IDH2: variants seen among roughly 807,000 people sequenced by gnomAD.
IDH2 encodes isocitrate dehydrogenase [NADP], mitochondrial.
A neutral mutation model predicts 50.5 loss-of-function variants in IDH2; 18 were observed. The observed-to-expected ratio is 0.36, with a 90% CI of 0.25 to 0.53. The LOEUF (loss-of-function observed/expected upper bound fraction) is 0.53. Ranked by LOEUF, IDH2 falls within the 20% of genes least tolerant of loss-of-function variation. The pLI is 0.92. For synonymous variants in IDH2, 280 were observed against 239.8 expected (o/e 1.17, Z -1.55); for missense variants, 518 against 610.7 (o/e 0.85, Z 1.60).
Position 90,083,922 on chromosome 15 carries a change from G to A in IDH2, c.*344C>T. On this transcript the variant is annotated 3_prime_UTR_variant, in exon 11 of 11. Transcript: ENST00000330062. ...AGGGGAACCTGCCAGCTCTAGCAGGGCCTCTGCCTCAGGGTCCCACTACCT... is the reference window on the plus strand; with the variant it reads ...AGGGGAACCTGCCAGCTCTAGCAGGACCTCTGCCTCAGGGTCCCACTACCT... The A allele has an allele frequency of 4.7e-6, 2 of 425,384 alleles. No homozygotes were observed. The highest frequency in any genetic ancestry group is 8.8e-6 in the Non-Finnish European group (2 of 227,224). 26.4% of individuals were successfully genotyped at this position (425,384 alleles called of 1,614,324 possible).
chr15:90,096,780 G>A (rs1901193103), intron 1 of IDH2, among the ~76,000 whole-genome samples: 1 of 152,118 alleles, frequency 6.6e-6, no homozygotes, highest in Non-Finnish European at 1.5e-5. Flanking sequence ...CAGGCGTGGT[G>A]GCAGGCGCCT....
At position 90,091,620 on chromosome 15, in the gene IDH2, G is replaced by A. The variant is rs201173543; in HGVS notation, c.140C>T (p.Ala47Val). The A allele has an allele frequency of 5.0e-5, 80 of 1,613,994 alleles. No individual in the cohort carries two copies. Among genetic ancestry groups the A allele is most frequent in the Admixed American group, 4.2e-4 (25 of 60,008 alleles). Residue 47 changes from alanine to valine, a missense_variant, in exon 2 of 11, where the codon GCG becomes GTG. This residue lies in a region of IDH2 where 68 missense variants were observed against 109.7 expected (regional missense o/e 0.62). Transcript: ENST00000330062. ...ACCATCCATCTCCACCACGGGCTTC[G>A]CCACCTTGATCCTTTTGTCGGCATC... is the stretch of plus-strand genomic sequence containing the variant. The part of the protein sequence containing the change: ...RHYADKRIKV[A>V]KPVVEMDGDE...
At chr15:90,101,205 C>T (rs1209296165) in intron 1 of IDH2, among the ~76,000 whole-genome samples, 1 of 152,134 alleles carries the variant, frequency 6.6e-6, no homozygotes, top group Admixed American at 6.5e-5. Context: ...TCCCACAATC[C>T]GGTTAACCAT....
In IDH2 at chr15:90,084,965, G is replaced by A. The variant is rs1240104462; in HGVS notation, c.1178+36C>T. ...TGTGCAAGGGCAGGACCCAGAGCCT[G>A]TCCTGGGCAGCTCCGGCCTCTCCCT... On this transcript the variant is annotated intron_variant, in intron 9 of 10. Coordinates refer to ENST00000330062, the MANE Select transcript of IDH2 (RefSeq NM_002168.4). The surrounding 1 kb of genome is among the most constrained non-coding windows in gnomAD (Gnocchi z 5.0). 2 of 1,611,698 alleles carry A rather than the reference G, an allele frequency of 1.2e-6. No individual in the cohort carries two copies. The highest frequency in any genetic ancestry group is 1.7e-6 in the Non-Finnish European group (2 of 1,178,122).
At chr15:90,101,148 A>G (rs896925198) in intron 1 of IDH2, among the ~76,000 whole-genome samples, 1 of 151,996 alleles carries the variant, frequency 6.6e-6, no homozygotes, top group Non-Finnish European at 1.5e-5. Context: ...CAGGGAAGGT[A>G]GGACTGGGGC....
intron 7 of IDH2, 78 bp downstream of exon 7, chr15:90,087,034 C>CA: frequency 6.5e-7 from 1 of 1,529,646 alleles, no homozygotes; most frequent in Non-Finnish European, 9.0e-7. Flanking sequence ...AGTTTTCTAC[C>CA]AAAAGGGTCT....
At chr15:90,093,016 G>A (rs915572242) in intron 1 of IDH2, among the ~76,000 whole-genome samples, 9 of 152,206 alleles carry the variant, frequency 5.9e-5, no homozygotes, top group Non-Finnish European at 1.3e-4. Context: ...CCAAGAGGGT[G>A]GGGGCCAGTC....
intron 1 of IDH2, among the ~76,000 whole-genome samples, chr15:90,095,080 T>A (rs6496623): frequency 0.69 from 104,373 of 151,312 alleles, 36,769 homozygotes; most frequent in East Asian, 0.83. Context: ...TTTTTTTTTT[T>A]AATCTAAAAA....
chr15:90,087,278 G>T lies in IDH2; in HGVS notation c.816-15C>A, dbSNP rs766027972. 4 of 1,613,980 alleles carry T rather than the reference G, an allele frequency of 2.5e-6. No homozygotes were observed. The highest frequency in any genetic ancestry group is 1.7e-5 in the Admixed American group (1 of 59,992). On this transcript the variant is annotated splice_polypyrimidine_tract_variant and intron_variant, in intron 6 of 10. Transcript: ENST00000330062. ...TCTTATAGTGCCTGGGAGTAAAAAG[G>T]TCTGTTATGGGGAGAGGGCAGAAGG...
chr15:90,100,938 C>CTTTT lies in IDH2; in HGVS notation c.115+1334_115+1337dup, dbSNP rs35633367. On this transcript the variant is annotated intron_variant, in intron 1 of 10. Coordinates refer to ENST00000330062, the MANE Select transcript of IDH2 (RefSeq NM_002168.4). The surrounding 1 kb of genome is among the most constrained non-coding windows in gnomAD (Gnocchi z 4.1). The stretch of plus-strand genomic sequence containing the variant: ...TGTGTGTTTTTCGGGTTGTTTGTTT[C>CTTTT]TTTTTTTTTTTTTTACCATCAAGGC... Among the ~76,000 whole-genome samples, 2 of 145,376 alleles carry CTTTT rather than the reference C, an allele frequency of 1.4e-5. No individual in the cohort carries two copies. The highest frequency in any genetic ancestry group is 3.0e-5 in the Non-Finnish European group (2 of 66,462).
rs969178299 is a variant in IDH2 at position 90,085,609 on chromosome 15, A to G, written c.968-222T>C. On this transcript the variant is annotated intron_variant, in intron 7 of 10. Coordinates refer to ENST00000330062, the MANE Select transcript of IDH2 (RefSeq NM_002168.4). The surrounding 1 kb of genome is among the most constrained non-coding windows in gnomAD (Gnocchi z 5.5). ...GGCTGGAGGGCACTGGAGGGTGGCT[A>G]TCACCAGCACATTAACATCCATCTG... 3.3e-5 allele frequency among the ~76,000 whole-genome samples: 5 copies of G among 152,236 alleles called. No homozygotes were observed. The South Asian group carries it at 6.2e-4, about 19-fold the overall frequency.
rs1900808517 is a variant in IDH2, at chr15:90,084,613, C to CT, written c.1271+202dup. On this transcript the variant is annotated intron_variant, in intron 10 of 10. Transcript: ENST00000330062. This position sits in a 1 kb window ranked among gnomAD's most constrained non-coding sequence, Gnocchi z 5.0. Reference sequence around the variant, plus strand: ...GGTGTGGGCAGGGTCGGAAGGAGCTCTGAGTAGCCAGCCTCAGGGATGGGG... The same window carrying CT: ...GGTGTGGGCAGGGTCGGAAGGAGCTCTTGAGTAGCCAGCCTCAGGGATGGGG... Among the ~76,000 whole-genome samples the CT allele has an allele frequency of 6.6e-6, 1 of 152,082 alleles. No homozygotes were observed. Among genetic ancestry groups the CT allele is most frequent in the African/African-American group, 2.4e-5 (1 of 41,428 alleles).
chr15:90,101,641 C>A (rs912591457), intron 1 of IDH2, among the ~76,000 whole-genome samples: 5 of 150,730 alleles, frequency 3.3e-5, no homozygotes, highest in Non-Finnish European at 7.4e-5. Flanking sequence ...AAGGAGAGGC[C>A]CCAGGATGGA....
chr15:90,094,618 G>T (rs1901132089), intron 1 of IDH2, among the ~76,000 whole-genome samples: 1 of 152,180 alleles, frequency 6.6e-6, no homozygotes, highest in African/African-American at 2.4e-5. Flanking sequence ...GAAAACACTG[G>T]GTTGGGGCTG....
chr15:90,092,855 A>G (rs1048828092), intron 1 of IDH2, among the ~76,000 whole-genome samples: 1 of 152,214 alleles, frequency 6.6e-6, no homozygotes, highest in Non-Finnish European at 1.5e-5. Context: ...CTGGGATTAC[A>G]GGCGTGAGCC....
chr15:90,102,203 G>A (rs1458641154), intron 1 of IDH2, 73 bp downstream of exon 1: 3 of 612,146 alleles, frequency 4.9e-6, no homozygotes, highest in Non-Finnish European at 6.9e-6. Flanking sequence ...CGTGCTTCCC[G>A]GCCCCAGCCT....
chr15:90,097,054 A>G (rs545301555), intron 1 of IDH2, among the ~76,000 whole-genome samples: 1 of 152,244 alleles, frequency 6.6e-6, no homozygotes, highest in Non-Finnish European at 1.5e-5. Flanking sequence ...CAATGTTCAC[A>G]ACAGCAAAAG....
At chr15:90,087,619 G>A (rs770959675) in intron 5 of IDH2, 44 bp from the exon 6 acceptor site, 9 of 1,611,280 alleles carry the variant, frequency 5.6e-6, no homozygotes, top group African/African-American at 5.3e-5. Flanking sequence ...CCCTAGCCTG[G>A]CGATTGCCGG....
At chr15:90,087,061 A>G (rs749774631) in intron 7 of IDH2, 51 bp downstream of exon 7, 6 of 1,602,672 alleles carry the variant, frequency 3.7e-6, no homozygotes, top group Non-Finnish European at 5.1e-6. Flanking sequence ...CCCTCCAGCC[A>G]GAGAAGACCA....
Sources: gnomAD v4.1 joint callset for allele counts (sites outside exome capture counted in the v4.1 genomes callset) on GRCh38, gnomAD v4.1.1 for gene constraint, gnomAD v4.1.1 regional missense constraint, Gnocchi (gnomAD v3.1) non-coding constraint, MANE v1.5 for transcripts, NCBI Gene and HGNC (gene_info 2026-07-23, HGNC 2026-07-21) for gene names.